Variants in KCNU1 observed in about 807,000 individuals in gnomAD.
KCNU1 encodes potassium channel subfamily U member 1.
KCNU1 carries 93 observed loss-of-function variants against 126.8 expected under a neutral mutation model. The ratio of observed to expected loss-of-function variants is 0.73; its 90% CI spans 0.62 to 0.87. The LOEUF is 0.87. KCNU1 is among the 40% of genes least tolerant of loss of function. The pLI is 0.00. For missense variants in KCNU1, 1,330 were observed against 1,367.1 expected, an observed-to-expected ratio of 0.97 and a Z score of 0.43; for synonymous variants, 523 against 494.2, an observed-to-expected ratio of 1.06 and a Z score of -0.77.
At chr8:36,831,468 G>C (rs1804543816) in intron 10 of KCNU1, among the ~76,000 whole-genome samples, 1 of 152,156 alleles carries the variant, frequency 6.6e-6, no homozygotes, top group Non-Finnish European at 1.5e-5. Context: ...CTGTGAAATG[G>C]TATCTCATTG....
intron 10 of KCNU1, among the ~76,000 whole-genome samples, chr8:36,830,989 A>G (rs1177429337): frequency 7.1e-6 from 1 of 141,064 alleles, no homozygotes; most frequent in African/African-American, 2.6e-5. Flanking sequence ...ATTCCCACCT[A>G]TGAGTGAGAA....
At chr8:36,842,740 G>T (rs766233107) in intron 16 of KCNU1, among the ~76,000 whole-genome samples, 2 of 152,058 alleles carry the variant, frequency 1.3e-5, no homozygotes, top group African/African-American at 4.8e-5. Context: ...GCACAATTTC[G>T]GCTCACTGCA....
intron 12 of KCNU1, among the ~76,000 whole-genome samples, chr8:36,835,098 C>A (rs992788013): frequency 2.0e-5 from 3 of 152,104 alleles, no homozygotes; most frequent in Non-Finnish European, 2.9e-5. Context: ...ATATAATTCC[C>A]TGAAGTTTCA....
chr8:36,876,406 A>C (rs1806280361), intron 19 of KCNU1, among the ~76,000 whole-genome samples: 1 of 152,186 alleles, frequency 6.6e-6, no homozygotes, highest in Non-Finnish European at 1.5e-5. Context: ...GAGGACTCTC[A>C]GTCTTTAGGG....
chr8:36,860,226 C>T (rs1563300402), intron 18 of KCNU1, among the ~76,000 whole-genome samples: 2 of 152,000 alleles, frequency 1.3e-5, no homozygotes, highest in African/African-American at 4.8e-5. Flanking sequence ...TACAGGTACC[C>T]GCCACCATGC....
At chr8:36,817,040 T>A (rs1803939548) in intron 9 of KCNU1, among the ~76,000 whole-genome samples, 1 of 152,156 alleles carries the variant, frequency 6.6e-6, no homozygotes, top group South Asian at 2.1e-4. Context: ...TATAAATAAA[T>A]GTGAAAAATC....
intron 12 of KCNU1, among the ~76,000 whole-genome samples, chr8:36,835,767 G>C (rs764984816): frequency 3.3e-4 from 50 of 152,154 alleles, no homozygotes; most frequent in Non-Finnish European, 1.5e-4. Flanking sequence ...GGCTAATCCA[G>C]ATGAACTTCC....
rs1325059629 is a variant in KCNU1, at chr8:36,911,073, ATCC to A, written c.2477_2479del (p.Ser826del). 2 of 1,613,706 alleles carry A rather than the reference ATCC, an allele frequency of 1.2e-6. No individual in the cohort carries two copies. The highest frequency in any genetic ancestry group is 4.5e-5 in the East Asian group (2 of 44,820). On this transcript the variant is annotated inframe_deletion, in exon 22 of 27. Coordinates refer to ENST00000399881, the MANE Select transcript of KCNU1 (RefSeq NM_001031836.3). The stretch of plus-strand genomic sequence containing the variant: ...CCATCATGGCAACCCTCACCATCGG[ATCC>A]TTGCAAATTGACTCCTCCTCTGACC...
At chr8:36,835,132 TAAG>T (rs925163003) in intron 12 of KCNU1, among the ~76,000 whole-genome samples, 6 of 152,186 alleles carry the variant, frequency 3.9e-5, no homozygotes, top group Non-Finnish European at 5.9e-5. Flanking sequence ...CATCTGAATT[TAAG>T]AAGCAAGCAT....
chr8:36,864,397 A>T lies in KCNU1; in HGVS notation c.1892-7A>T. The T allele has an allele frequency of 6.7e-7, 1 of 1,498,898 alleles. No homozygotes were observed. The highest frequency in any genetic ancestry group is 9.3e-7 in the Non-Finnish European group (1 of 1,075,408). The allele number at this position is 1,498,898 out of a possible 1,614,324, so 92.8% of individuals were successfully genotyped here. A position where few individuals can be genotyped will look rare whatever the true frequency, so the allele number is the denominator to read the frequency against. On this transcript the variant is annotated splice_region_variant and splice_polypyrimidine_tract_variant and intron_variant, in intron 18 of 26. Coordinates refer to ENST00000399881, the MANE Select transcript of KCNU1 (RefSeq NM_001031836.3). ...GCCAACTCACTGAGATTTCTATCCT[A>T]TTGCAGTGCCATCGGTAAAGAGAAT... is the stretch of plus-strand genomic sequence containing the variant.
At chr8:36,903,931 G>A (rs747033760) in intron 19 of KCNU1, among the ~76,000 whole-genome samples, 21 of 152,108 alleles carry the variant, frequency 1.4e-4, no homozygotes, top group Admixed American at 2.6e-4. Context: ...AGACCAGCAC[G>A]AGGGTAACCA....
intron 19 of KCNU1, among the ~76,000 whole-genome samples, chr8:36,869,886 TGGAGA>T (rs985754990): frequency 3.3e-5 from 5 of 152,160 alleles, no homozygotes; most frequent in Non-Finnish European, 7.3e-5. Context: ...CACATTTTAG[TGGAGA>T]GGTTACAGAG....
Position 36,909,495 on chromosome 8 carries a change from G to A in KCNU1, c.2291G>A (p.Trp764Ter). ...TCTCTGGACTATCTACAGAGAGAAT[G>A]GCGATTTCTCTGGAATTTTCCCCAG... ...IGSLDYLQRE[W>*]RFLWNFPQIY... The change falls in exon 21 of 27, where the codon TGG (tryptophan) becomes TAG (stop). Residue 764 changes from tryptophan (W) to a stop codon, truncating the protein, a stop_gained. Transcript: ENST00000399881. LOFTEE classifies it high-confidence loss of function. 1.2e-6 allele frequency: 2 copies of A among 1,612,824 alleles called. No homozygotes were observed. The highest frequency in any genetic ancestry group is 8.5e-7 in the Non-Finnish European group (1 of 1,178,916).
At chr8:36,898,621 GT>G (rs1320591493) in intron 19 of KCNU1, among the ~76,000 whole-genome samples, 2 of 152,204 alleles carry the variant, frequency 1.3e-5, no homozygotes, top group East Asian at 3.9e-4. Context: ...ATTTGTTTCA[GT>G]AATGCGTTTT....
At chr8:36,838,707 A>G (rs146486441) in intron 14 of KCNU1, among the ~76,000 whole-genome samples, 31 of 152,208 alleles carry the variant, frequency 2.0e-4, no homozygotes, top group African/African-American at 7.5e-4. Context: ...AAAAAAACCA[A>G]TAAATGAAAT....
chr8:36,845,770 T>C (rs369071848), intron 17 of KCNU1, 32 bp from the exon 18 acceptor site: 11 of 1,535,092 alleles, frequency 7.2e-6, no homozygotes, highest in African/African-American at 1.4e-5. Context: ...AAGACTCACA[T>C]AATTCATTCT....
chr8:36,895,001 A>G (rs1407019328), intron 19 of KCNU1, among the ~76,000 whole-genome samples: 1 of 152,108 alleles, frequency 6.6e-6, no homozygotes, highest in Admixed American at 6.6e-5. Context: ...TTAGTTCCAT[A>G]AAGTTTTGTA....
chr8:36,812,779 T>C (rs1167508818), intron 7 of KCNU1, among the ~76,000 whole-genome samples: 1 of 152,198 alleles, frequency 6.6e-6, no homozygotes, highest in Non-Finnish European at 1.5e-5. Context: ...GCCATCTCCC[T>C]TCCTCCATAA....
chr8:36,907,414 G>T (rs532955340), intron 20 of KCNU1, among the ~76,000 whole-genome samples: 15 of 152,126 alleles, frequency 9.9e-5, no homozygotes, highest in Admixed American at 9.8e-4. Context: ...GTTCTACTCA[G>T]AAAAGCAATT....
Sources: allele counts gnomAD v4.1 joint callset (sites outside exome capture counted in the v4.1 genomes callset), GRCh38; gene constraint gnomAD v4.1.1; transcripts MANE v1.5; gene names NCBI Gene and HGNC (gene_info 2026-07-23, HGNC 2026-07-21).